MED8: variants seen among roughly 807,000 people sequenced by gnomAD.
MED8 encodes mediator of RNA polymerase II transcription subunit 8.
A neutral mutation model predicts 34.8 loss-of-function variants in MED8; 22 were observed. That is an observed-to-expected ratio of 0.63 (90% CI 0.45 to 0.90). The LOEUF (loss-of-function observed/expected upper bound fraction) is 0.90, where lower values mean the gene tolerates loss of function less well. MED8 is among the 40% of genes least tolerant of loss of function. The probability of loss-of-function intolerance (pLI) is 0.00; values close to 1 mark genes in which losing one functional copy is unlikely to be tolerated. For missense variants in MED8, 260 were observed against 326.3 expected (o/e 0.80, Z 1.57); for synonymous variants, 105 against 120.2 (o/e 0.87, Z 0.83).
intron 1 of MED8, 33 bp from the exon 2 acceptor site, chr1:43,388,461 T>A: frequency 6.2e-7 from 1 of 1,610,742 alleles, no homozygotes; most frequent in Non-Finnish European, 8.5e-7. Context: ...GTCACCCAGA[T>A]AAACGAGTAT....
At position 43,388,444 on chromosome 1, in the gene MED8, C is replaced by T; in HGVS notation, c.7-16G>A. The T allele has an allele frequency of 6.2e-7, 1 of 1,612,662 alleles. No individual in the cohort carries two copies. The highest frequency in any genetic ancestry group is 8.5e-7 in the Non-Finnish European group (1 of 1,179,724). ...TCTCCTCTCTCTGCACCAATAGGAA[C>T]AGGTTGGTCACCCAGATAAACGAGT... On this transcript the variant is annotated splice_polypyrimidine_tract_variant and intron_variant, in intron 1 of 6. Coordinates refer to ENST00000372457, the MANE Select transcript of MED8 (RefSeq NM_201542.5).
At chr1:43,385,749 G>A (rs1647705272) in intron 6 of MED8, 2 of 586,944 alleles carry the variant, frequency 3.4e-6, no homozygotes, top group African/African-American at 3.7e-5. Context: ...AGATGCGGAT[G>A]AGAAATTGGA....
chr1:43,386,943 A>G lies in MED8; in HGVS notation c.326T>C (p.Leu109Pro), dbSNP rs779359099. 2 of 1,613,994 alleles carry G rather than the reference A, an allele frequency of 1.2e-6. No individual in the cohort carries two copies. The highest frequency in any genetic ancestry group is 1.3e-5 in the African/African-American group (1 of 75,042). Reference sequence around the variant, plus strand: ...CACTTCAGGGTCAGGCTTGGTTCTCAGATGGTCAGGGACTACCTCATGGCT... The same window carrying G: ...CACTTCAGGGTCAGGCTTGGTTCTCGGATGGTCAGGGACTACCTCATGGCT... ...VFSHEVVPDHLRTKPDPEVEE... is the reference protein window; with the variant it reads ...VFSHEVVPDHPRTKPDPEVEE... The change falls in exon 4 of 7, where the codon CTG becomes CCG. Residue 109 changes from leucine (L) to proline (P), a missense_variant. By Grantham distance (98) the Leu-to-Pro change is moderately conservative. Transcript: ENST00000372457. This position sits in a 1 kb window ranked among gnomAD's most constrained non-coding sequence, Gnocchi z 4.9.
intron 1 of MED8, 200 bp from the exon 2 acceptor site, chr1:43,388,628 C>G: frequency 1.3e-6 from 1 of 791,812 alleles, no homozygotes; most frequent in Non-Finnish European, 1.9e-6. Flanking sequence ...ACCTGTTTGC[C>G]TGACCCCAAG....
At chr1:43,385,918 T>C in intron 6 of MED8, 60 bp downstream of exon 6, 2 of 1,602,860 alleles carry the variant, frequency 1.2e-6, no homozygotes, top group Non-Finnish European at 1.7e-6. Flanking sequence ...CCAGATAATC[T>C]AGCTTATTCC....
intron 6 of MED8, chr1:43,385,687 A>G (rs997798303): frequency 4.8e-6 from 2 of 417,926 alleles, no homozygotes; most frequent in Admixed American, 4.1e-5. Context: ...CACTGACAAC[A>G]TATCTAATAC....
At position 43,384,300 on chromosome 1, in the gene MED8, C is replaced by A; in HGVS notation, c.*742G>T. 1 of 1,007,124 alleles carries A rather than the reference C, an allele frequency of 9.9e-7. No individual in the cohort carries two copies. Among genetic ancestry groups the A allele is most frequent in the Non-Finnish European group, 1.4e-6 (1 of 717,320 alleles). 62.4% of individuals were successfully genotyped at this position (1,007,124 alleles called of 1,614,324 possible). A position where few individuals can be genotyped will look rare whatever the true frequency, so the allele number is the denominator to read the frequency against. ...CTTTTTCGTGTGCTAAGGAAAAACC[C>A]TTTCCCACATAGTCCTGCCTGGCAG... is the stretch of plus-strand genomic sequence containing the variant. On this transcript the variant is annotated 3_prime_UTR_variant, in exon 7 of 7. Coordinates refer to ENST00000372457, the MANE Select transcript of MED8 (RefSeq NM_201542.5).
intron 2 of MED8, 62 bp from the exon 3 acceptor site, chr1:43,387,709 T>G: frequency 6.3e-7 from 1 of 1,585,298 alleles, no homozygotes; most frequent in South Asian, 1.1e-5. Context: ...CTTAGTAAAA[T>G]AGTCCTAGTT....
intron 6 of MED8, chr1:43,385,723 T>C: frequency 1.9e-6 from 1 of 526,606 alleles, no homozygotes; most frequent in East Asian, 3.5e-5. Flanking sequence ...AGAAGGATAG[T>C]TGACACAGAG....
rs1647649747 is a variant in MED8, at chr1:43,384,372, T to G, written c.*670A>C. The G allele has an allele frequency of 6.6e-6, 10 of 1,506,496 alleles. No individual in the cohort carries two copies. The highest frequency in any genetic ancestry group is 8.9e-6 in the Non-Finnish European group (10 of 1,126,260). 93.3% of individuals were successfully genotyped at this position (1,506,496 alleles called of 1,614,324 possible). A position where few individuals can be genotyped will look rare whatever the true frequency, so the allele number is the denominator to read the frequency against. On this transcript the variant is annotated 3_prime_UTR_variant, in exon 7 of 7. Coordinates refer to ENST00000372457, the MANE Select transcript of MED8 (RefSeq NM_201542.5). ...CGTGTGTATAAGGTGGGGTAAAGGA[T>G]AGGGGACTTTATGACTATTTGACAG...
intron 2 of MED8, 46 bp downstream of exon 2, chr1:43,388,264 C>A: frequency 3.8e-6 from 6 of 1,567,610 alleles, no homozygotes; most frequent in Non-Finnish European, 5.2e-6. Flanking sequence ...GGAGGCTAGG[C>A]CCCCCCACCC....
At position 43,387,534 on chromosome 1, in the gene MED8, A is replaced by G; in HGVS notation, c.239T>C (p.Val80Ala). Residue 80 changes from valine (V) to alanine (A), a missense_variant, in exon 3 of 7, where the codon GTG (valine) becomes GCG (alanine). Transcript: ENST00000372457. ...ATCTTCATCTCGGTCTGGAGACAAC[A>G]CCAGAGGAATGATGACCTGGTTACG... ...LFRNQVIIPL[V>A]LSPDRDEDLM... 2 of 1,614,044 alleles carry G rather than the reference A, an allele frequency of 1.2e-6. No individual in the cohort carries two copies. Among genetic ancestry groups the G allele is most frequent in the Non-Finnish European group, 1.7e-6 (2 of 1,179,892 alleles).
chr1:43,387,001 G>C lies in MED8; in HGVS notation c.271-3C>G. 2 of 1,613,840 alleles carry C rather than the reference G, an allele frequency of 1.2e-6. No homozygotes were observed. Among genetic ancestry groups the C allele is most frequent in the Non-Finnish European group, 1.7e-6 (2 of 1,179,800 alleles). On this transcript the variant is annotated splice_polypyrimidine_tract_variant and splice_region_variant and intron_variant, in intron 3 of 6. Transcript: ENST00000372457. ...GGCACCCGTCCTTCAGTCTGCCGCT[G>C]TAACACACAGATTTTATTGATCCTA... is the stretch of plus-strand genomic sequence containing the variant.
At position 43,387,513 on chromosome 1, in the gene MED8, T is replaced by C; in HGVS notation, c.260A>G (p.Glu87Gly). 6.2e-7 allele frequency: 1 copy of C among 1,614,040 alleles called. No individual in the cohort carries two copies. Among genetic ancestry groups the C allele is most frequent in the Non-Finnish European group, 8.5e-7 (1 of 1,179,882 alleles). ...IPLVLSPDRD[E>G]DLMRQTEGRV... Reference sequence around the variant, plus strand: ...TTTTTCTCCTCTTACCATGAGATCTTCATCTCGGTCTGGAGACAACACCAG... The same window carrying C: ...TTTTTCTCCTCTTACCATGAGATCTCCATCTCGGTCTGGAGACAACACCAG... Residue 87 changes from glutamate to glycine, a missense_variant, in exon 3 of 7, where the codon GAA becomes GGA. Physicochemically the swap from Glu to Gly is moderately conservative, Grantham distance 98. Coordinates refer to ENST00000372457, the MANE Select transcript of MED8 (RefSeq NM_201542.5).
chr1:43,386,148 A>C lies in MED8; in HGVS notation c.572T>G (p.Leu191Arg). 6.2e-7 allele frequency: 1 copy of C among 1,614,040 alleles called. No individual in the cohort carries two copies. The highest frequency in any genetic ancestry group is 8.5e-7 in the Non-Finnish European group (1 of 1,179,892). ...GCTGCCTGAAGGTCTCCAATTAGAT[A>C]GTCCTTTCCCAAAGGCAACAGCTGC... The part of the protein sequence containing the change: ...LVAAVAFGKG[L>R]SNWRPSGSSG... Residue 191 changes from leucine to arginine, a missense_variant, in exon 6 of 7, where the codon CTA (leucine) becomes CGA (arginine). Coordinates refer to ENST00000372457, the MANE Select transcript of MED8 (RefSeq NM_201542.5). This position sits in a 1 kb window ranked among gnomAD's most constrained non-coding sequence, Gnocchi z 4.9.
chr1:43,388,257 G>A (rs1647821879), intron 2 of MED8, 53 bp downstream of exon 2: 1 of 1,548,544 alleles, frequency 6.5e-7, no homozygotes, highest in East Asian at 2.2e-5. Flanking sequence ...TTCATCAGGA[G>A]GCTAGGCCCC....
intron 6 of MED8, 109 bp downstream of exon 6, chr1:43,385,869 G>C: frequency 3.4e-6 from 5 of 1,480,548 alleles, no homozygotes; most frequent in Non-Finnish European, 4.6e-6. Flanking sequence ...GTGAAAAGGA[G>C]AAATAGAGAA....
intron 6 of MED8, 116 bp from the exon 7 acceptor site, chr1:43,385,222 G>T: frequency 7.5e-7 from 1 of 1,341,730 alleles, no homozygotes. Context: ...AACCTCTGCG[G>T]CATCTGACCC....
chr1:43,388,544 T>C (rs1647863277), intron 1 of MED8, 116 bp from the exon 2 acceptor site: 2 of 1,481,212 alleles, frequency 1.4e-6, no homozygotes, highest in African/African-American at 1.4e-5. Flanking sequence ...AGGATCTCAT[T>C]GGCATAGGAT....
Sources: gnomAD v4.1 joint callset for allele counts on GRCh38, gnomAD v4.1.1 for gene constraint, Gnocchi (gnomAD v3.1) non-coding constraint, MANE v1.5 for transcripts, NCBI Gene and HGNC (gene_info 2026-07-23, HGNC 2026-07-21) for gene names.